The following HIBADH variants were observed in gnomAD, a reference collection of about 807,000 sequenced individuals.
HIBADH encodes 3-hydroxyisobutyrate dehydrogenase.
A neutral mutation model predicts 36.1 loss-of-function variants in HIBADH; 25 were observed. That is an observed-to-expected ratio of 0.69 (90% CI 0.50 to 0.97). The LOEUF is 0.97. HIBADH is among the 50% of genes least tolerant of loss of function. The pLI, the probability that HIBADH is intolerant of heterozygous loss-of-function variation, is 0.00. For synonymous variants in HIBADH, 160 were observed against 149.5 expected, an observed-to-expected ratio of 1.07 and a Z score of -0.51; for missense variants, 421 against 418.0, an observed-to-expected ratio of 1.01 and a Z score of -0.06.
chr7:27,578,715 T>G (rs11764624), intron 4 of HIBADH, among the ~76,000 whole-genome samples: 18,340 of 152,216 alleles, frequency 0.12, 1,240 homozygotes, highest in Middle Eastern at 0.14. Context: ...CACATTTTTT[T>G]TTGTTGTTAC....
intron 4 of HIBADH, among the ~76,000 whole-genome samples, chr7:27,579,560 G>T (rs17155513): frequency 0.045 from 6,798 of 152,224 alleles, 480 homozygotes; most frequent in African/African-American, 0.16. Flanking sequence ...TGAAACATCT[G>T]AGTCAAATTT....
intron 4 of HIBADH, among the ~76,000 whole-genome samples, chr7:27,580,473 G>A (rs557095663): frequency 6.6e-6 from 1 of 152,326 alleles, no homozygotes; most frequent in Admixed American, 6.5e-5. Flanking sequence ...GTTTTCAGGT[G>A]AGGATAGTTA....
intron 6 of HIBADH, among the ~76,000 whole-genome samples, chr7:27,536,398 T>A (rs2128183583): frequency 6.6e-6 from 1 of 152,260 alleles, no homozygotes; most frequent in South Asian, 2.1e-4. Flanking sequence ...ATATATTTTA[T>A]GTTATATATA....
At chr7:27,645,956 T>C (rs1786060947) in intron 2 of HIBADH, among the ~76,000 whole-genome samples, 1 of 152,202 alleles carries the variant, frequency 6.6e-6, no homozygotes. Flanking sequence ...TTAATTTTGA[T>C]AAAGTCCAAT....
chr7:27,625,296 T>C lies in HIBADH; in HGVS notation c.484+4075A>G, dbSNP rs73284459. Reference sequence around the variant, plus strand: ...TTTTGGTATAGAGAGGTGCCCTTTCTAATTCTCACACAGGTACCAAGTAAG... The same window carrying C: ...TTTTGGTATAGAGAGGTGCCCTTTCCAATTCTCACACAGGTACCAAGTAAG... On this transcript the variant is annotated intron_variant, in intron 4 of 7. Transcript: ENST00000265395. 4.8e-3 allele frequency among the ~76,000 whole-genome samples: 728 copies of C among 152,242 alleles called. 6 individuals carry two copies. Among genetic ancestry groups the C allele is most frequent in the African/African-American group, 0.017 (701 of 41,518 alleles).
At chr7:27,594,741 T>G (rs1364037479) in intron 4 of HIBADH, among the ~76,000 whole-genome samples, 3 of 152,054 alleles carry the variant, frequency 2.0e-5, no homozygotes, top group Non-Finnish European at 1.5e-5. Flanking sequence ...CAACGGAAAG[T>G]TGTCCTACTC....
rs117353200 is a variant in HIBADH, at chr7:27,534,069, C to T, written c.696-2721G>A. Among the ~76,000 whole-genome samples, 658 of 152,240 alleles carry T rather than the reference C, an allele frequency of 4.3e-3. 4 individuals are homozygous for T. The highest frequency in any genetic ancestry group is 0.02 in the Middle Eastern group (6 of 294). ...CATCGCTCTGACTGCATATATAATG[C>T]GTCTCAAATAAACGTCACTGTGTCA... On this transcript the variant is annotated intron_variant, in intron 6 of 7. Transcript: ENST00000265395.
At chr7:27,556,015 C>G in intron 4 of HIBADH, among the ~76,000 whole-genome samples, 1 of 151,938 alleles carries the variant, frequency 6.6e-6, no homozygotes, top group East Asian at 1.9e-4. Flanking sequence ...TAAAGATAGT[C>G]GTGAATTAGA....
intron 4 of HIBADH, among the ~76,000 whole-genome samples, chr7:27,575,259 C>G (rs1302538717): frequency 6.6e-6 from 1 of 152,148 alleles, no homozygotes; most frequent in East Asian, 1.9e-4. Flanking sequence ...GAGACCCTAA[C>G]CTGTCATGGT....
At chr7:27,648,345 C>G (rs918762616) in intron 2 of HIBADH, among the ~76,000 whole-genome samples, 1 of 152,164 alleles carries the variant, frequency 6.6e-6, no homozygotes, top group African/African-American at 2.4e-5. Flanking sequence ...CTGAAAAGTT[C>G]CAAAGTCATA....
intron 2 of HIBADH, among the ~76,000 whole-genome samples, chr7:27,641,298 A>G (rs1785956357): frequency 1.3e-5 from 2 of 152,184 alleles, no homozygotes; most frequent in Admixed American, 6.5e-5. Flanking sequence ...TTAGAAATCA[A>G]CTAACCAGCA....
chr7:27,628,063 A>C (rs557874956), intron 4 of HIBADH, among the ~76,000 whole-genome samples: 12 of 152,310 alleles, frequency 7.9e-5, no homozygotes, highest in African/African-American at 2.9e-4. Flanking sequence ...GAACCACTCT[A>C]AGAAAGATCT....
rs138833574 is a variant in HIBADH at position 27,567,808 on chromosome 7, T to C, written c.485-24708A>G. Among the ~76,000 whole-genome samples, 689 of 152,322 alleles carry C rather than the reference T, an allele frequency of 4.5e-3. 6 individuals are homozygous for C. Among genetic ancestry groups the C allele is most frequent in the African/African-American group, 0.016 (658 of 41,578 alleles). On this transcript the variant is annotated intron_variant, in intron 4 of 7. Transcript: ENST00000265395. ...AGTTGTCATCTGTATTACATTTACA[T>C]ATATAGAAAATTCCACCAATGTTTT...
At chr7:27,544,510 C>T (rs1784205748) in intron 4 of HIBADH, among the ~76,000 whole-genome samples, 1 of 152,194 alleles carries the variant, frequency 6.6e-6, no homozygotes, top group African/African-American at 2.4e-5. Context: ...GTCATTCAAA[C>T]ATTCTTATAA....
chr7:27,637,567 C>G (rs1269632406), intron 2 of HIBADH, among the ~76,000 whole-genome samples: 1 of 152,148 alleles, frequency 6.6e-6, no homozygotes, highest in Non-Finnish European at 1.5e-5. Context: ...CTCATCACTC[C>G]TATTCAACAT....
intron 6 of HIBADH, among the ~76,000 whole-genome samples, chr7:27,533,336 TTACTATTTAG>T (rs2128183187): frequency 6.6e-6 from 1 of 152,216 alleles, no homozygotes. Flanking sequence ...GGTGAACACA[TTACTATTTAG>T]AAGCATCCTG....
rs1360540372 is a variant in HIBADH at position 27,649,547 on chromosome 7, T to C, written c.178A>G (p.Lys60Glu). Residue 60 changes from lysine to glutamate, a missense_variant, in exon 2 of 8, where the codon AAA (lysine) becomes GAA (glutamate). Transcript: ENST00000265395. The stretch of plus-strand genomic sequence containing the variant: ...TAAATAATAAGTGGATAGCCATGTT[T>C]CATGAGATTTTTTGCCATTGGATTC... Reference protein sequence around the residue: ...MGNPMAKNLMKHGYPLIIYDV... With the variant: ...MGNPMAKNLMEHGYPLIIYDV... 11 of 1,613,930 alleles carry C rather than the reference T, an allele frequency of 6.8e-6. No individual in the cohort carries two copies. The highest frequency in any genetic ancestry group is 2.5e-6 in the Non-Finnish European group (3 of 1,179,960).
intron 6 of HIBADH, among the ~76,000 whole-genome samples, chr7:27,536,983 T>G (rs1784079130): frequency 6.6e-6 from 1 of 152,222 alleles, no homozygotes; most frequent in Admixed American, 6.5e-5. Flanking sequence ...CAATTAATTG[T>G]GTATGCCATT....
intron 4 of HIBADH, among the ~76,000 whole-genome samples, chr7:27,627,377 C>T (rs559886822): frequency 6.6e-6 from 1 of 152,278 alleles, no homozygotes; most frequent in South Asian, 2.1e-4. Context: ...CATTTTAGCC[C>T]TACCTGTTCA....
Sources: gnomAD v4.1 joint callset for allele counts (sites outside exome capture counted in the v4.1 genomes callset) on GRCh38, gnomAD v4.1.1 for gene constraint, MANE v1.5 for transcripts, NCBI Gene and HGNC (gene_info 2026-07-23, HGNC 2026-07-21) for gene names.